Variants in RNF121 observed in about 807,000 individuals in gnomAD.
The protein encoded by RNF121 is E3 ubiquitin ligase RNF121.
RNF121 carries 21 observed loss-of-function variants against 46.5 expected under a neutral mutation model. The observed-to-expected ratio is 0.45, with a 90% CI of 0.32 to 0.65. The LOEUF (loss-of-function observed/expected upper bound fraction) is 0.65. RNF121 is among the 30% of genes least tolerant of loss of function. The probability of loss-of-function intolerance (pLI) is 0.04; values close to 1 mark genes in which losing one functional copy is unlikely to be tolerated. For synonymous variants in RNF121, 139 were observed against 144.7 expected, an observed-to-expected ratio of 0.96 and a Z score of 0.28; for missense variants, 346 against 416.0, an observed-to-expected ratio of 0.83 and a Z score of 1.46.
At chr11:71,946,130 A>G (rs957297984) in intron 1 of RNF121, among the ~76,000 whole-genome samples, 1 of 152,158 alleles carries the variant, frequency 6.6e-6, no homozygotes, top group Non-Finnish European at 1.5e-5. Flanking sequence ...AAGAAAAGAA[A>G]AGAAAAGAAA....
intron 3 of RNF121, among the ~76,000 whole-genome samples, chr11:71,981,420 T>A (rs1954654905): frequency 1.3e-5 from 2 of 152,136 alleles, no homozygotes; most frequent in Admixed American, 1.3e-4. Flanking sequence ...ATATCTCTCT[T>A]TTTGTTGTTG....
At chr11:71,994,134 C>A (rs1954924723) in intron 6 of RNF121, among the ~76,000 whole-genome samples, 1 of 152,096 alleles carries the variant, frequency 6.6e-6, no homozygotes, top group African/African-American at 2.4e-5. Context: ...GCCACCGCGC[C>A]CAGCCTCCTC....
chr11:71,934,438 G>C lies in RNF121; in HGVS notation c.63+5314G>C, dbSNP rs1374452004. Among the ~76,000 whole-genome samples the C allele has an allele frequency of 3.3e-5, 5 of 152,204 alleles. No individual in the cohort carries two copies. In the East Asian group the frequency reaches 9.6e-4, roughly 29 times the overall value. ...TTACGTCTCCTCTTCCCACTAGGTT[G>C]GTAAACCCCCAGTGGGCAGACTGTG... On this transcript the variant is annotated intron_variant, in intron 1 of 8. Transcript: ENST00000361756.
chr11:71,936,060 GA>G (rs981101099), intron 1 of RNF121, among the ~76,000 whole-genome samples: 61 of 151,904 alleles, frequency 4.0e-4, no homozygotes, highest in African/African-American at 1.5e-3. Flanking sequence ...TGTTAGCCAG[GA>G]CGGTCTCCAT....
intron 5 of RNF121, 77 bp from the exon 6 acceptor site, chr11:71,990,520 T>C: frequency 2.6e-6 from 4 of 1,555,598 alleles, no homozygotes; most frequent in Non-Finnish European, 3.5e-6. Context: ...GGGCCCTGCC[T>C]TGTGTGTCCC....
chr11:71,981,029 AG>A, intron 3 of RNF121, among the ~76,000 whole-genome samples: 1 of 152,174 alleles, frequency 6.6e-6, no homozygotes, highest in Admixed American at 6.5e-5. Flanking sequence ...GCACTGGTCT[AG>A]AAATCCCTAA....
rs191170664 is a variant in RNF121, at chr11:71,934,710, G to A, written c.63+5586G>A. 3.1e-3 allele frequency among the ~76,000 whole-genome samples: 471 copies of A among 152,154 alleles called. 1 individual carries two copies. Among genetic ancestry groups the A allele is most frequent in the Non-Finnish European group, 4.7e-3 (318 of 68,000 alleles). On this transcript the variant is annotated intron_variant, in intron 1 of 8. Coordinates refer to ENST00000361756, the MANE Select transcript of RNF121 (RefSeq NM_018320.5). ...TTTTTAGGCATGTAAAATGAGTGGTGGCAAGTGTAGTGGGGAAAAAGCCAT... is the reference window on the plus strand; with the variant it reads ...TTTTTAGGCATGTAAAATGAGTGGTAGCAAGTGTAGTGGGGAAAAAGCCAT...
At chr11:71,943,318 G>A (rs951066264) in intron 1 of RNF121, among the ~76,000 whole-genome samples, 1 of 152,186 alleles carries the variant, frequency 6.6e-6, no homozygotes, top group Non-Finnish European at 1.5e-5. Flanking sequence ...GGTACCATTA[G>A]GTGCCATGTT....
Position 71,957,131 on chromosome 11 carries a change from A to G in RNF121, c.64-96A>G, listed in dbSNP as rs1341022006. 5 of 837,734 alleles carry G rather than the reference A, an allele frequency of 6.0e-6. No homozygotes were observed. The African/African-American group carries it at 6.6e-5, about 11-fold the overall frequency. 51.9% of individuals were successfully genotyped at this position (837,734 alleles called of 1,614,324 possible). On this transcript the variant is annotated intron_variant, in intron 1 of 8. Transcript: ENST00000361756. ...AGATACTAAGACTTGAAGCTTCTCT[A>G]ATTCCTTGAAGATACTGATAAATGT...
Position 71,990,601 on chromosome 11 carries a change from A to C in RNF121, c.511A>C (p.Lys171Gln), listed in dbSNP as rs757767187. Residue 171 changes from lysine (K) to glutamine (Q), a missense_variant, in exon 6 of 9, where the codon AAA becomes CAA. Lys to Gln is a moderately conservative substitution (Grantham distance 53). This residue lies in a region of RNF121 where 286 missense variants were observed against 383.8 expected (regional missense o/e 0.75). Coordinates refer to ENST00000361756, the MANE Select transcript of RNF121 (RefSeq NM_018320.5). ...GCTCTAATGCTTCCCTTGCAGGATC[A>C]AACCAGAAGATGCCATGGACTTTGG... is the stretch of plus-strand genomic sequence containing the variant. The part of the protein sequence containing the change: ...LFGLNLLFKI[K>Q]PEDAMDFGIS... 1.2e-6 allele frequency: 2 copies of C among 1,613,956 alleles called. No individual in the cohort carries two copies. The highest frequency in any genetic ancestry group is 1.7e-6 in the Non-Finnish European group (2 of 1,179,916).
intron 3 of RNF121, among the ~76,000 whole-genome samples, chr11:71,970,966 A>G (rs927518740): frequency 2.0e-5 from 3 of 152,234 alleles, no homozygotes; most frequent in African/African-American, 7.2e-5. Context: ...TAAGTAGATT[A>G]GTTGAGAAAA....
chr11:71,976,604 T>C (rs73531952), intron 3 of RNF121, among the ~76,000 whole-genome samples: 16,835 of 152,050 alleles, frequency 0.11, 1,171 homozygotes, highest in East Asian at 0.23. Context: ...GTGATCTGCC[T>C]GCCTCGGCCT....
At chr11:71,991,968 A>C (rs967685600) in intron 6 of RNF121, among the ~76,000 whole-genome samples, 1 of 151,012 alleles carries the variant, frequency 6.6e-6, no homozygotes, top group Admixed American at 6.6e-5. Context: ...AAAAAAAAAA[A>C]CCTAGCCGGG....
At position 71,957,259 on chromosome 11, in the gene RNF121, A is replaced by T; in HGVS notation, c.96A>T (p.Gln32His). 6.3e-7 allele frequency: 1 copy of T among 1,599,788 alleles called. No individual in the cohort carries two copies. The highest frequency in any genetic ancestry group is 8.6e-7 in the Non-Finnish European group (1 of 1,166,944). Residue 32 changes from glutamine to histidine, a missense_variant, in exon 2 of 9, where the codon CAA becomes CAT. By Grantham distance (24) the Gln-to-His change is conservative. Coordinates refer to ENST00000361756, the MANE Select transcript of RNF121 (RefSeq NM_018320.5). ...VDMSDLSPEE[Q>H]WRVEHARMHA... is the part of the protein sequence containing the mutation. ...TGTCAGATCTCTCTCCAGAAGAGCAATGGAGGTAAGTGTGGTAGTTCGGGC... is the reference window on the plus strand; with the variant it reads ...TGTCAGATCTCTCTCCAGAAGAGCATTGGAGGTAAGTGTGGTAGTTCGGGC...
chr11:71,952,157 T>A (rs1469666777), intron 1 of RNF121, among the ~76,000 whole-genome samples: 2 of 152,208 alleles, frequency 1.3e-5, no homozygotes, highest in Non-Finnish European at 2.9e-5. Flanking sequence ...TGAACTACAG[T>A]ACATGCTACA....
At chr11:71,959,637 CT>C (rs893968966) in intron 2 of RNF121, among the ~76,000 whole-genome samples, 3,240 of 138,110 alleles carry the variant, frequency 0.023, 71 homozygotes, top group African/African-American at 0.077. Context: ...CTCTCTTCTT[CT>C]TTTTTTTTTT....
At chr11:71,972,546 G>C (rs1027893709) in intron 3 of RNF121, among the ~76,000 whole-genome samples, 7 of 151,620 alleles carry the variant, frequency 4.6e-5, no homozygotes, top group African/African-American at 1.7e-4. Flanking sequence ...CTAGACCAAG[G>C]TTTCTCAACA....
intron 1 of RNF121, among the ~76,000 whole-genome samples, chr11:71,935,482 T>C (rs2134144774): frequency 6.6e-6 from 1 of 152,330 alleles, no homozygotes; most frequent in Non-Finnish European, 1.5e-5. Context: ...TTCCATTATG[T>C]ACATTTGGGT....
chr11:71,954,332 C>T (rs150678996), intron 1 of RNF121, among the ~76,000 whole-genome samples: 78 of 152,242 alleles, frequency 5.1e-4, no homozygotes, highest in African/African-American at 1.8e-3. Flanking sequence ...AAAGCCAGAT[C>T]ATGTCTTACT....
Sources: gnomAD v4.1 joint callset for allele counts (sites outside exome capture counted in the v4.1 genomes callset) on GRCh38, gnomAD v4.1.1 for gene constraint, gnomAD v4.1.1 regional missense constraint, MANE v1.5 for transcripts, NCBI Gene and HGNC (gene_info 2026-07-23, HGNC 2026-07-21) for gene names.